The following LINGO1 variants were observed in gnomAD, a reference collection of about 807,000 sequenced individuals.
The protein encoded by LINGO1 is leucine rich repeat and Ig domain containing 1, also known as leucine-rich repeat and immunoglobulin-like domain-containing nogo receptor-interacting protein 1.
A neutral mutation model predicts 37.3 loss-of-function variants in LINGO1; 11 were observed. The observed-to-expected ratio is 0.29, with a 90% CI of 0.19 to 0.49. The LOEUF (loss-of-function observed/expected upper bound fraction) is 0.49, where lower values mean the gene tolerates loss of function less well. LINGO1 is among the 20% of genes least tolerant of loss of function. The pLI is 0.99. For synonymous variants in LINGO1, 387 were observed against 403.0 expected, an observed-to-expected ratio of 0.96 and a Z score of 0.48; for missense variants, 585 against 878.2, an observed-to-expected ratio of 0.67 and a Z score of 4.22.
chr15:77,684,997 C>T (rs2075480064), intron 2 of LINGO1, among the ~76,000 whole-genome samples: 2 of 151,170 alleles, frequency 1.3e-5, no homozygotes, highest in Admixed American at 6.6e-5. Context: ...GGCACCTGGG[C>T]CCAGCCTAGA....
chr15:77,733,551 C>T (rs56952924), intron 2 of LINGO1, among the ~76,000 whole-genome samples: 15 of 151,948 alleles, frequency 9.9e-5, no homozygotes, highest in Non-Finnish European at 1.8e-4. Context: ...GGGAGAGAGA[C>T]GGATAGACCC....
chr15:77,744,955 T>TA (rs34589855), intron 1 of LINGO1, among the ~76,000 whole-genome samples: 28,502 of 141,868 alleles, frequency 0.2, 4,557 homozygotes, highest in African/African-American at 0.46. Context: ...ATCTCTACTT[T>TA]AAAAAAAAAA....
chr15:77,800,275 A>C (rs1206558448), intron 1 of LINGO1, among the ~76,000 whole-genome samples: 1 of 152,172 alleles, frequency 6.6e-6, no homozygotes, highest in Non-Finnish European at 1.5e-5. Flanking sequence ...GTCCCCAACT[A>C]AGGGCTGCCA....
At chr15:77,634,330 T>G, upstream of LINGO1, 1 of 456,152 alleles carries the variant, frequency 2.2e-6, no homozygotes, top group South Asian at 1.5e-5. Flanking sequence ...TGGCACACCG[T>G]TGCTCTGGAC....
chr15:77,698,434 G>T (rs61070532), upstream of LINGO1, among the ~76,000 whole-genome samples: 7,239 of 152,238 alleles, frequency 0.048, 239 homozygotes, highest in East Asian at 0.15. Context: ...ACTCACAGAC[G>T]CTGCCCAAGT....
At chr15:77,672,122 G>A (rs997452231) in intron 3 of LINGO1, among the ~76,000 whole-genome samples, 6 of 151,578 alleles carry the variant, frequency 4.0e-5, no homozygotes, top group African/African-American at 1.5e-4. Flanking sequence ...AGTTTCCTTA[G>A]AGAAGCTGCC....
intron 3 of LINGO1, among the ~76,000 whole-genome samples, chr15:77,670,492 G>C (rs2075228627): frequency 6.6e-6 from 1 of 152,222 alleles, no homozygotes. Context: ...CTCTGGGAGG[G>C]TGGGGCCCTA....
At chr15:77,773,750 T>C (rs530827825) in intron 1 of LINGO1, among the ~76,000 whole-genome samples, 2 of 151,672 alleles carry the variant, frequency 1.3e-5, no homozygotes, top group South Asian at 4.2e-4. Context: ...TTTAAGCATA[T>C]GACCTCTCTC....
At chr15:77,629,213 A>T (rs1167319298) in intron 1 of LINGO1, among the ~76,000 whole-genome samples, 1 of 152,230 alleles carries the variant, frequency 6.6e-6, no homozygotes, top group Non-Finnish European at 1.5e-5. Context: ...AACATTGAAG[A>T]AACTGAACAC....
chr15:77,659,706 G>T (rs2074945709), intron 3 of LINGO1, among the ~76,000 whole-genome samples: 1 of 152,214 alleles, frequency 6.6e-6, no homozygotes, highest in Non-Finnish European at 1.5e-5. Context: ...CAGAGGAGTG[G>T]TCATTACCAT....
At chr15:77,734,896 A>G (rs1304587187) in intron 2 of LINGO1, 1 of 152,128 alleles carries the variant, frequency 6.6e-6, no homozygotes, top group Non-Finnish European at 1.5e-5. Flanking sequence ...AGGAGATGGG[A>G]GGGGAGAATG....
rs1299672417 is a variant in LINGO1, at chr15:77,632,795, C to T, written c.-480G>A. ...GTGGGGACTCCGCGCCCTCCGGGGCCGGGACCAGGACCCACCGCCGCCGCC... is the reference window on the plus strand; with the variant it reads ...GTGGGGACTCCGCGCCCTCCGGGGCTGGGACCAGGACCCACCGCCGCCGCC... On this transcript the variant is annotated 5_prime_UTR_variant, in exon 1 of 2. Transcript: ENST00000355300. This position sits in a 1 kb window ranked among gnomAD's most constrained non-coding sequence, Gnocchi z 6.0. Among the ~76,000 whole-genome samples the T allele has an allele frequency of 6.8e-6, 1 of 146,758 alleles. No individual in the cohort carries two copies. Among genetic ancestry groups the T allele is most frequent in the East Asian group, 2.0e-4 (1 of 4,994 alleles).
At position 77,615,656 on chromosome 15, in the gene LINGO1, T is replaced by C. The variant is rs779881686; in HGVS notation, c.251A>G (p.Lys84Arg). 1.3e-5 allele frequency: 21 copies of C among 1,610,780 alleles called. No homozygotes were observed. The East Asian group carries it at 4.7e-4, about 36-fold the overall frequency. Reference protein sequence around the residue: ...RLLDLGKNRIKTLNQDEFASF... With the variant: ...RLLDLGKNRIRTLNQDEFASF... ...GGCGAACTCGTCCTGGTTGAGCGTT[T>C]TGATGCGGTTCTTGCCTAGGTCCAG... is the stretch of plus-strand genomic sequence containing the variant. Residue 84 changes from lysine (K) to arginine (R), a missense_variant, in exon 2 of 2, where the codon AAA (lysine) becomes AGA (arginine). This residue lies in a region of LINGO1 where 484 missense variants were observed against 735.0 expected (regional missense o/e 0.66). Coordinates refer to ENST00000355300, the MANE Select transcript of LINGO1 (RefSeq NM_032808.7).
At chr15:77,806,459 C>T (rs1227175595) in intron 1 of LINGO1, among the ~76,000 whole-genome samples, 2 of 152,128 alleles carry the variant, frequency 1.3e-5, no homozygotes, top group Non-Finnish European at 2.9e-5. Flanking sequence ...CAAATCCCCT[C>T]CCCAGCTCCA....
At chr15:77,774,195 C>T (rs992692676) in intron 1 of LINGO1, among the ~76,000 whole-genome samples, 10 of 152,040 alleles carry the variant, frequency 6.6e-5, no homozygotes, top group East Asian at 5.8e-4. Context: ...TGAGTGTGCA[C>T]GGAGGAAGTT....
chr15:77,744,228 C>T (rs2076291804), intron 1 of LINGO1, among the ~76,000 whole-genome samples: 1 of 145,056 alleles, frequency 6.9e-6, no homozygotes, highest in African/African-American at 2.4e-5. Flanking sequence ...ACCTCTCTGA[C>T]CCTCAGTAAG....
chr15:77,797,390 A>G (rs1952023506), intron 1 of LINGO1, among the ~76,000 whole-genome samples: 1 of 152,208 alleles, frequency 6.6e-6, no homozygotes, highest in South Asian at 2.1e-4. Flanking sequence ...TTTCATAGCT[A>G]CGTGTTTCTC....
chr15:77,697,320 A>G (rs538933806), upstream of LINGO1, among the ~76,000 whole-genome samples: 48 of 152,168 alleles, frequency 3.2e-4, no homozygotes, highest in Non-Finnish European at 5.7e-4. Flanking sequence ...CAGGGCTCCT[A>G]TGCCACCCTC....
At chr15:77,662,032 G>A (rs1217892363) in intron 3 of LINGO1, among the ~76,000 whole-genome samples, 1 of 152,244 alleles carries the variant, frequency 6.6e-6, no homozygotes, top group Non-Finnish European at 1.5e-5. Flanking sequence ...GGCAAGAGGA[G>A]ATGGTAGGTA....
Sources: gnomAD v4.1 joint callset for allele counts (sites outside exome capture counted in the v4.1 genomes callset) on GRCh38, gnomAD v4.1.1 for gene constraint, gnomAD v4.1.1 regional missense constraint, Gnocchi (gnomAD v3.1) non-coding constraint, MANE v1.5 for transcripts, NCBI Gene and HGNC (gene_info 2026-07-23, HGNC 2026-07-21) for gene names.